The following ZNF749 variants were observed in gnomAD, a reference collection of about 807,000 sequenced individuals.
ZNF749 encodes zinc finger protein 749.
Under a neutral mutation model 7.3 loss-of-function variants are expected in ZNF749, and 8 were observed. The ratio of observed to expected loss-of-function variants is 1.10; its 90% CI spans 0.64 to 1.98. The LOEUF (loss-of-function observed/expected upper bound fraction) is 1.98, where lower values mean the gene tolerates loss of function less well. Among genes scored for constraint, ZNF749 ranks in the 30% most tolerant of loss-of-function variants. The pLI, the probability that ZNF749 is intolerant of heterozygous loss-of-function variation, is 0.00. For missense variants in ZNF749, 898 were observed against 932.4 expected, an observed-to-expected ratio of 0.96 and a Z score of 0.48; for synonymous variants, 310 against 322.4, an observed-to-expected ratio of 0.96 and a Z score of 0.41.
Position 57,444,336 on chromosome 19 carries a change from A to G in ZNF749, c.1188A>G (p.Thr396=), listed in dbSNP as rs755832300. The change falls in exon 3 of 3, where the codon ACA becomes ACG. Residue 396 remains threonine, a synonymous_variant. Coordinates refer to ENST00000334181, the MANE Select transcript of ZNF749 (RefSeq NM_001023561.4). ...GAAAATTCTTTAGTCACCGCTCCACACTCAATATGCACCAGAGAGTTCATG... is the reference window on the plus strand; with the variant it reads ...GAAAATTCTTTAGTCACCGCTCCACGCTCAATATGCACCAGAGAGTTCATG... ...ICGKFFSHRS[T]LNMHQRVHAG... 1.2e-6 allele frequency: 2 copies of G among 1,614,116 alleles called. No individual in the cohort carries two copies. The highest frequency in any genetic ancestry group is 1.7e-6 in the Non-Finnish European group (2 of 1,180,004).
chr19:57,437,193 T>C (rs2088943591), intron 1 of ZNF749, among the ~76,000 whole-genome samples: 1 of 152,060 alleles, frequency 6.6e-6, no homozygotes, highest in South Asian at 2.1e-4. Flanking sequence ...GGGATGTGAC[T>C]GACATCTCAT....
Position 57,444,674 on chromosome 19 carries a change from G to A in ZNF749, c.1526G>A (p.Arg509Gln), listed in dbSNP as rs745410002. 9.9e-6 allele frequency: 16 copies of A among 1,613,194 alleles called. No individual in the cohort carries two copies. Among genetic ancestry groups the A allele is most frequent in the South Asian group, 2.2e-5 (2 of 91,028 alleles). The change falls in exon 3 of 3, where the codon CGG (arginine) becomes CAG (glutamine). Residue 509 changes from arginine to glutamine, a missense_variant. Coordinates refer to ENST00000334181, the MANE Select transcript of ZNF749 (RefSeq NM_001023561.4). ...CACCAGAAAATCCATACTGGAGAAC[G>A]GCCTTATGAATGCACTCAATGTGCG... ...VGHQKIHTGE[R>Q]PYECTQCAKA... is the part of the protein sequence containing the mutation.
Position 57,441,873 on chromosome 19 carries a change from T to C in ZNF749, c.16-12T>C. 1 of 1,613,994 alleles carries C rather than the reference T, an allele frequency of 6.2e-7. No individual in the cohort carries two copies. The highest frequency in any genetic ancestry group is 1.1e-5 in the South Asian group (1 of 91,042). Reference sequence around the variant, plus strand: ...AAGTTGTTCATAGACTGAAGTGTCATAATTTTGGCAGGATTGTATGGTCTT... The same window carrying C: ...AAGTTGTTCATAGACTGAAGTGTCACAATTTTGGCAGGATTGTATGGTCTT... On this transcript the variant is annotated splice_polypyrimidine_tract_variant and intron_variant, in intron 1 of 2. Transcript: ENST00000334181.
Position 57,439,079 on chromosome 19 carries a change from A to T in ZNF749, c.16-2806A>T, listed in dbSNP as rs894290521. ...GATGGTAACTAGGGAAGGTTTGAGG[A>T]GGGGGGAAAAAGAGGTGACCTGACC... On this transcript the variant is annotated intron_variant, in intron 1 of 2. Transcript: ENST00000334181. The surrounding 1 kb of genome is among the most constrained non-coding windows in gnomAD (Gnocchi z 4.3). Among the ~76,000 whole-genome samples the T allele has an allele frequency of 3.1e-4, 47 of 151,986 alleles. No homozygotes were observed. Among genetic ancestry groups the T allele is most frequent in the African/African-American group, 1.1e-3 (47 of 41,452 alleles).
chr19:57,443,178 C>T (rs2089010371), intron 2 of ZNF749, 113 bp from the exon 3 acceptor site: 1 of 910,282 alleles, frequency 1.1e-6, no homozygotes, highest in African/African-American at 1.7e-5. Flanking sequence ...ATTTCCTTGC[C>T]TGTGACCAGT....
At chr19:57,432,587 T>G (rs73065209), upstream of ZNF749, among the ~76,000 whole-genome samples, 29,426 of 104,260 alleles carry the variant, frequency 0.28, 3,683 homozygotes, top group Non-Finnish European at 0.32. Context: ...AAAAAAAAGG[T>G]GGGGGGGACT....
Position 57,444,264 on chromosome 19 carries a change from T to A in ZNF749, c.1116T>A (p.His372Gln), listed in dbSNP as rs769210270. Residue 372 changes from histidine (H) to glutamine (Q), a missense_variant, in exon 3 of 3, where the codon CAT (histidine) becomes CAA (glutamine). Physicochemically the swap from His to Gln is conservative, Grantham distance 24. Coordinates refer to ENST00000334181, the MANE Select transcript of ZNF749 (RefSeq NM_001023561.4). ...LFMDSFTLGRHQRVHTGERPF... is the reference protein window; with the variant it reads ...LFMDSFTLGRQQRVHTGERPF... ...TGGACAGCTTCACACTCGGTAGACA[T>A]CAGAGAGTTCATACTGGAGAAAGGC... is the stretch of plus-strand genomic sequence containing the variant. 2.0e-5 allele frequency: 33 copies of A among 1,614,038 alleles called. No individual in the cohort carries two copies. The East Asian group carries it at 6.7e-4, about 33-fold the overall frequency.
At position 57,435,382 on chromosome 19, in the gene ZNF749, GATT is replaced by G; in HGVS notation, c.-196_-194del. The G allele has an allele frequency of 1.3e-6, 1 of 775,150 alleles. No individual in the cohort carries two copies. Among genetic ancestry groups the G allele is most frequent in the Non-Finnish European group, 2.1e-6 (1 of 479,264 alleles). The allele number at this position is 775,150 out of a possible 1,614,324, so 48.0% of individuals were successfully genotyped here. On this transcript the variant is annotated 5_prime_UTR_variant, in exon 1 of 3. Coordinates refer to ENST00000334181, the MANE Select transcript of ZNF749 (RefSeq NM_001023561.4). ...ATGGCTACCTAGGGATCTGTTCACT[GATT>G]TAGAGGGTCCCAGAGCTCTGGGTCG...
chr19:57,431,073 G>A (rs1392149483), upstream of ZNF749, among the ~76,000 whole-genome samples: 1 of 151,734 alleles, frequency 6.6e-6, no homozygotes, highest in East Asian at 1.9e-4. Flanking sequence ...AGATTAGAAG[G>A]GTAAAGGGGA....
In ZNF749 at chr19:57,435,386, T is replaced by C; in HGVS notation, c.-193T>C. On this transcript the variant is annotated 5_prime_UTR_variant, in exon 1 of 3. Coordinates refer to ENST00000334181, the MANE Select transcript of ZNF749 (RefSeq NM_001023561.4). ...CTACCTAGGGATCTGTTCACTGATT[T>C]AGAGGGTCCCAGAGCTCTGGGTCGG... 1 of 791,516 alleles carries C rather than the reference T, an allele frequency of 1.3e-6. No individual in the cohort carries two copies. The highest frequency in any genetic ancestry group is 2.0e-6 in the Non-Finnish European group (1 of 493,738). 49.0% of individuals were successfully genotyped at this position (791,516 alleles called of 1,614,324 possible).
At chr19:57,440,773 G>C (rs2088979528) in intron 1 of ZNF749, among the ~76,000 whole-genome samples, 2 of 152,074 alleles carry the variant, frequency 1.3e-5, no homozygotes, top group Admixed American at 1.3e-4. Context: ...AGAAGAGTGA[G>C]CCTGAGTTTG....
At chr19:57,440,109 A>G (rs1443952230) in intron 1 of ZNF749, among the ~76,000 whole-genome samples, 2 of 151,948 alleles carry the variant, frequency 1.3e-5, no homozygotes, top group African/African-American at 2.4e-5. Context: ...AGTATAAGGA[A>G]GGGCTTTTGA....
intron 1 of ZNF749, among the ~76,000 whole-genome samples, chr19:57,440,677 T>C (rs1338128268): frequency 2.0e-5 from 3 of 151,892 alleles, no homozygotes; most frequent in East Asian, 3.9e-4. Flanking sequence ...ATTAGATACA[T>C]GAGAGAGGTA....
chr19:57,435,363 A>C lies in ZNF749; in HGVS notation c.-216A>C, dbSNP rs1441345251. The C allele has an allele frequency of 1.1e-5, 7 of 658,538 alleles. No individual in the cohort carries two copies. The highest frequency in any genetic ancestry group is 1.6e-5 in the Non-Finnish European group (6 of 386,794). 40.8% of individuals were successfully genotyped at this position (658,538 alleles called of 1,614,324 possible). ...CCCTCATGGTTGCGTTAGCATGGCT[A>C]CCTAGGGATCTGTTCACTGATTTAG... On this transcript the variant is annotated 5_prime_UTR_variant, in exon 1 of 3. Coordinates refer to ENST00000334181, the MANE Select transcript of ZNF749 (RefSeq NM_001023561.4).
At chr19:57,430,260 T>G in the ZNF749 span, among the ~76,000 whole-genome samples, 1 of 152,150 alleles carries the variant, frequency 6.6e-6, no homozygotes, top group South Asian at 2.1e-4. Flanking sequence ...GCCTTCTCGC[T>G]GCATCATAAC....
Position 57,435,602 on chromosome 19 carries a change from A to T in ZNF749, c.15+9A>T. Reference sequence around the variant, plus strand: ...CGATGAACCTGACCGAGGTGCGTGCAGCGTCCCAGGCCGCCCCGCCCAACC... The same window carrying T: ...CGATGAACCTGACCGAGGTGCGTGCTGCGTCCCAGGCCGCCCCGCCCAACC... On this transcript the variant is annotated intron_variant, in intron 1 of 2. Coordinates refer to ENST00000334181, the MANE Select transcript of ZNF749 (RefSeq NM_001023561.4). 1 of 1,605,080 alleles carries T rather than the reference A, an allele frequency of 6.2e-7. No individual in the cohort carries two copies.
chr19:57,443,160 C>A, intron 2 of ZNF749, 131 bp from the exon 3 acceptor site: 1 of 748,504 alleles, frequency 1.3e-6, no homozygotes, highest in Admixed American at 2.9e-5. Context: ...CTTCCTCTCA[C>A]TGGCCTTATT....
the ZNF749 span, among the ~76,000 whole-genome samples, chr19:57,429,850 C>G: frequency 1.3e-5 from 2 of 152,118 alleles, no homozygotes; most frequent in Admixed American, 1.3e-4. The surrounding 1 kb of genome is among the most constrained non-coding windows in gnomAD (Gnocchi z 4.2). Flanking sequence ...GCACATGTTT[C>G]TAATTTTTCC....
In ZNF749 at chr19:57,445,403, AGT is replaced by A; in HGVS notation, c.2259_2260del (p.Cys753TrpfsTer2). ...ACTCACACTGGAGAAAGGTCTTATG[AGT>A]GTGGTGAATCCAGCAAAGTGTTTAA... On this transcript the variant is annotated frameshift_variant, in exon 3 of 3. Transcript: ENST00000334181. LOFTEE classifies it low-confidence loss of function (END_TRUNC). 6.2e-7 allele frequency: 1 copy of A among 1,613,996 alleles called. No homozygotes were observed. Among genetic ancestry groups the A allele is most frequent in the Non-Finnish European group, 8.5e-7 (1 of 1,179,886 alleles).
Sources: allele counts gnomAD v4.1 joint callset (sites outside exome capture counted in the v4.1 genomes callset), GRCh38; gene constraint gnomAD v4.1.1; non-coding constraint Gnocchi (gnomAD v3.1); transcripts MANE v1.5; gene names NCBI Gene and HGNC (gene_info 2026-07-23, HGNC 2026-07-21).